Variants in DSG3 observed in about 807,000 individuals in gnomAD.
DSG3 encodes desmoglein-3.
A neutral mutation model predicts 85.9 loss-of-function variants in DSG3; 63 were observed. The observed-to-expected ratio is 0.73, with a 90% CI of 0.60 to 0.90. DSG3 has a LOEUF of 0.90. DSG3 is among the 40% of genes least tolerant of loss of function. DSG3 has a pLI of 0.00. For synonymous variants in DSG3, 447 were observed against 441.9 expected (o/e 1.01, Z -0.14); for missense variants, 1,220 against 1,219.9 (o/e 1.00, Z 0.00).
At chr18:31,457,608 CT>C (rs773592749) in intron 3 of DSG3, among the ~76,000 whole-genome samples, 5 of 97,470 alleles carry the variant, frequency 5.1e-5, no homozygotes, top group Admixed American at 9.8e-5. Flanking sequence ...TTCTTTCTTT[CT>C]TTCTTTCTTT....
chr18:31,462,894 C>T (rs1428046024), intron 8 of DSG3, among the ~76,000 whole-genome samples: 1 of 151,796 alleles, frequency 6.6e-6, no homozygotes, highest in African/African-American at 2.4e-5. Flanking sequence ...CCATCCCTGG[C>T]TCTACACTGG....
At chr18:31,466,870 C>A in intron 11 of DSG3, 116 bp downstream of exon 11, 1 of 841,086 alleles carries the variant, frequency 1.2e-6, no homozygotes, top group South Asian at 1.7e-5. Flanking sequence ...AAATTCTTTG[C>A]AATGAAGATG....
Position 31,461,358 on chromosome 18 carries a change from G to A in DSG3, c.945G>A (p.Trp315Ter). 1 of 1,613,776 alleles carries A rather than the reference G, an allele frequency of 6.2e-7. No individual in the cohort carries two copies. Among genetic ancestry groups the A allele is most frequent in the Non-Finnish European group, 8.5e-7 (1 of 1,179,848 alleles). ...YFFTSGNEGNWFEIQTDPRTN... is the reference protein window; with the variant it reads ...YFFTSGNEGN ...TTACCTCTGGGAATGAAGGAAATTGGTTTGAAATACAAACTGATCCTAGAA... is the reference window on the plus strand; with the variant it reads ...TTACCTCTGGGAATGAAGGAAATTGATTTGAAATACAAACTGATCCTAGAA... The change falls in exon 8 of 16, where the codon TGG becomes TGA. Residue 315 changes from tryptophan to a stop codon, truncating the protein, a stop_gained. Transcript: ENST00000257189. LOFTEE classifies it high-confidence loss of function.
chr18:31,459,292 G>T, intron 5 of DSG3, 115 bp downstream of exon 5: 1 of 1,052,716 alleles, frequency 9.5e-7, no homozygotes. Context: ...CAGTAGTTTT[G>T]AAAAATAAAA....
chr18:31,457,184 A>T (rs1288789951), intron 3 of DSG3, 60 bp downstream of exon 3: 1 of 1,520,674 alleles, frequency 6.6e-7, no homozygotes, highest in African/African-American at 1.4e-5. Context: ...GTGTAAATTA[A>T]AATAATACGG....
At position 31,466,720 on chromosome 18, in the gene DSG3, G is replaced by A. The variant is rs1247333509; in HGVS notation, c.1602G>A (p.Lys534=). The stretch of plus-strand genomic sequence containing the variant: ...TTGCACTGGAAGATCAACCTGTAAA[G>A]TTGCCTGCCGTATGGAGTATCACAA... ...YTFALEDQPV[K]LPAVWSITTL... Residue 534 remains lysine, a synonymous_variant, in exon 11 of 16, where the codon AAG becomes AAA. Transcript: ENST00000257189. 7 of 1,614,188 alleles carry A rather than the reference G, an allele frequency of 4.3e-6. No homozygotes were observed. The South Asian group carries it at 7.7e-5, about 18-fold the overall frequency.
At chr18:31,455,211 T>C (rs2072734856) in intron 1 of DSG3, among the ~76,000 whole-genome samples, 1 of 152,104 alleles carries the variant, frequency 6.6e-6, no homozygotes, top group Non-Finnish European at 1.5e-5. Context: ...AAGTATTACA[T>C]AAAACAGTAA....
chr18:31,469,288 C>T lies in DSG3; in HGVS notation c.1836C>T (p.His612=), dbSNP rs2072841059. 2 of 1,613,848 alleles carry T rather than the reference C, an allele frequency of 1.2e-6. No homozygotes were observed. Among genetic ancestry groups the T allele is most frequent in the African/African-American group, 1.3e-5 (1 of 74,938 alleles). Residue 612 remains histidine, a synonymous_variant, in exon 12 of 16, where the codon CAC becomes CAT. Coordinates refer to ENST00000257189, the MANE Select transcript of DSG3 (RefSeq NM_001944.3). ...CTGGGACCAGGTATGGCAGGCCGCA[C>T]TCAGGGAGGCTGGGGCCTGCCGCCA... is the stretch of plus-strand genomic sequence containing the variant. The part of the protein sequence containing the change: ...TSPGTRYGRP[H]SGRLGPAAIG...
Position 31,466,588 on chromosome 18 carries a change from C to T in DSG3, c.1470C>T (p.Asp490=), listed in dbSNP as rs557378113. ...ATGTTAGAGTACCCGATTTCAATGA[C>T]AATTGTCCAACAGCTGTCCTCGAAA... ...TVYVRVPDFN[D]NCPTAVLEKD... The change falls in exon 11 of 16, where the codon GAC becomes GAT. Residue 490 remains aspartate, a synonymous_variant. Coordinates refer to ENST00000257189, the MANE Select transcript of DSG3 (RefSeq NM_001944.3). The T allele has an allele frequency of 7.9e-5, 127 of 1,614,176 alleles. No individual in the cohort carries two copies. In the South Asian group the frequency reaches 1.3e-3, roughly 17 times the overall value.
In DSG3 at chr18:31,476,043, A is replaced by G. The variant is rs1461975577; in HGVS notation, c.2783A>G (p.His928Arg). 1 of 1,614,056 alleles carries G rather than the reference A, an allele frequency of 6.2e-7. No individual in the cohort carries two copies. The highest frequency in any genetic ancestry group is 1.3e-5 in the African/African-American group (1 of 74,900). ...PAVSIPDPLQHGNYLVTETYS... is the reference protein window; with the variant it reads ...PAVSIPDPLQRGNYLVTETYS... ...GTTTCCATCCCTGACCCTCTGCAGC[A>G]TGGTAACTATTTAGTAACGGAGACT... The change falls in exon 16 of 16, where the codon CAT becomes CGT. Residue 928 changes from histidine (H) to arginine (R), a missense_variant. Coordinates refer to ENST00000257189, the MANE Select transcript of DSG3 (RefSeq NM_001944.3).
chr18:31,474,378 A>G lies in DSG3; in HGVS notation c.2359A>G (p.Asn787Asp), dbSNP rs1377097812. Residue 787 changes from asparagine to aspartate, a missense_variant, in exon 15 of 16, where the codon AAT (asparagine) becomes GAT (aspartate). Physicochemically the swap from Asn to Asp is conservative, Grantham distance 23. Coordinates refer to ENST00000257189, the MANE Select transcript of DSG3 (RefSeq NM_001944.3). ...CTACGCTGATGGGGCGATAAGCATG[A>G]ATTTTCTGGACTCCTACTTTTCTCA... ...KDYADGAISMNFLDSYFSQKA... is the reference protein window; with the variant it reads ...KDYADGAISMDFLDSYFSQKA... The G allele has an allele frequency of 6.2e-6, 10 of 1,607,672 alleles. No individual in the cohort carries two copies. Among genetic ancestry groups the G allele is most frequent in the African/African-American group, 2.7e-5 (2 of 74,798 alleles).
At chr18:31,450,976 A>C (rs556178993) in intron 1 of DSG3, among the ~76,000 whole-genome samples, 110 of 152,342 alleles carry the variant, frequency 7.2e-4, no homozygotes, top group African/African-American at 2.0e-3. Context: ...GCTAAAAAGT[A>C]TATCAAAAAC....
intron 10 of DSG3, among the ~76,000 whole-genome samples, chr18:31,465,838 T>C (rs944622056): frequency 6.6e-6 from 1 of 152,322 alleles, no homozygotes; most frequent in African/African-American, 2.4e-5. Context: ...TGTACTTTTA[T>C]CATTGAACAA....
In DSG3 at chr18:31,458,421, C is replaced by A. The variant is rs375280433; in HGVS notation, c.217-24C>A. On this transcript the variant is annotated intron_variant, in intron 3 of 15. Coordinates refer to ENST00000257189, the MANE Select transcript of DSG3 (RefSeq NM_001944.3). Reference sequence around the variant, plus strand: ...AAGGCTTGAGTGATGGTCACCTCAACGTTTTTGGTATTTGGGGCTGTAGAT... The same window carrying A: ...AAGGCTTGAGTGATGGTCACCTCAAAGTTTTTGGTATTTGGGGCTGTAGAT... 2.5e-6 allele frequency: 4 copies of A among 1,608,942 alleles called. No homozygotes were observed. The East Asian group carries it at 8.9e-5, about 36-fold the overall frequency.
Position 31,458,485 on chromosome 18 carries a change from G to GA in DSG3, c.259dup (p.Ile87AsnfsTer17). The GA allele has an allele frequency of 1.2e-6, 2 of 1,613,992 alleles. No homozygotes were observed. Among genetic ancestry groups the GA allele is most frequent in the Non-Finnish European group, 1.7e-6 (2 of 1,179,958 alleles). On this transcript the variant is annotated frameshift_variant, in exon 4 of 16. Coordinates refer to ENST00000257189, the MANE Select transcript of DSG3 (RefSeq NM_001944.3). LOFTEE classifies it high-confidence loss of function. ...CAAGCAACCCAGAAAATCACCTACC[G>GA]AATCTCTGGAGTGGGAATCGATCAG...
intron 13 of DSG3, 69 bp downstream of exon 13, chr18:31,472,492 G>A: frequency 1.3e-6 from 2 of 1,532,800 alleles, no homozygotes; most frequent in Non-Finnish European, 1.8e-6. Context: ...CATTGAGATA[G>A]GAAAAGAGGC....
rs2072901315 is a variant in DSG3 at position 31,478,256 on chromosome 18, G to C, written c.*1996G>C. On this transcript the variant is annotated 3_prime_UTR_variant, in exon 16 of 16. Transcript: ENST00000257189. The stretch of plus-strand genomic sequence containing the variant: ...CAACGGTGGCTCGCTCTACAGTCTA[G>C]AGCACATGCAGCTAACTTGTGCCTC... 1 of 152,168 alleles carries C rather than the reference G, an allele frequency of 6.6e-6. No homozygotes were observed. The highest frequency in any genetic ancestry group is 2.4e-5 in the African/African-American group (1 of 41,424). The allele number at this position is 152,168 out of a possible 1,614,324, so 9.4% of individuals were successfully genotyped here.
chr18:31,475,533 A>T, intron 15 of DSG3, 113 bp from the exon 16 acceptor site: 1 of 1,275,600 alleles, frequency 7.8e-7, no homozygotes, highest in Non-Finnish European at 1.1e-6. Flanking sequence ...CTTTATTTCT[A>T]TGGATTACCT....
intron 3 of DSG3, 30 bp from the exon 4 acceptor site, chr18:31,458,415 C>T (rs750773958): frequency 3.7e-6 from 6 of 1,606,986 alleles, no homozygotes; most frequent in South Asian, 3.3e-5. Flanking sequence ...GTGATGGTCA[C>T]CTCAACGTTT....
Sources: allele counts gnomAD v4.1 joint callset (sites outside exome capture counted in the v4.1 genomes callset), GRCh38; gene constraint gnomAD v4.1.1; transcripts MANE v1.5; gene names NCBI Gene and HGNC (gene_info 2026-07-23, HGNC 2026-07-21).